NRXN1: variants seen among roughly 807,000 people sequenced by gnomAD.
NRXN1 encodes neurexin 1.
NRXN1 carries 39 observed loss-of-function variants against 150.9 expected under a neutral mutation model. That is an observed-to-expected ratio of 0.26 (90% CI 0.20 to 0.34). The LOEUF is 0.34. NRXN1 is among the 10% of genes least tolerant of loss of function. The pLI is 1.00. For missense variants in NRXN1, 1,815 were observed against 1,949.9 expected (o/e 0.93, Z 1.30); for synonymous variants, 924 against 757.0 (o/e 1.22, Z -3.62).
At chr2:50,909,382 A>G (rs1371178762) in intron 5 of NRXN1, among the ~76,000 whole-genome samples, 1 of 152,096 alleles carries the variant, frequency 6.6e-6, no homozygotes, top group East Asian at 1.9e-4. Flanking sequence ...CATTTGGACT[A>G]GGAGACTTCT....
At chr2:50,606,439 G>A (rs2104006306) in intron 8 of NRXN1, among the ~76,000 whole-genome samples, 1 of 151,590 alleles carries the variant, frequency 6.6e-6, no homozygotes, top group East Asian at 1.9e-4. Context: ...CCAGGGCCTG[G>A]GGCAAGGGAG....
At chr2:50,766,251 A>G (rs1299012776) in intron 5 of NRXN1, among the ~76,000 whole-genome samples, 2 of 151,990 alleles carry the variant, frequency 1.3e-5, no homozygotes, top group Admixed American at 6.6e-5. Flanking sequence ...CATTCTCCCC[A>G]TGATTTATGG....
At chr2:50,230,450 T>A (rs1264378891) in intron 18 of NRXN1, among the ~76,000 whole-genome samples, 3 of 152,020 alleles carry the variant, frequency 2.0e-5, no homozygotes, top group African/African-American at 7.2e-5. Context: ...GGCATCAATG[T>A]GTTTTAACAA....
intron 17 of NRXN1, among the ~76,000 whole-genome samples, chr2:50,241,218 CA>C (rs201711583): frequency 0.012 from 1,751 of 144,224 alleles, 28 homozygotes; most frequent in African/African-American, 0.038. Flanking sequence ...TAGCATAATG[CA>C]AAAAAAAAAA....
chr2:50,907,169 GA>G (rs1187156735), intron 5 of NRXN1, among the ~76,000 whole-genome samples: 2 of 145,178 alleles, frequency 1.4e-5, no homozygotes, highest in Non-Finnish European at 3.0e-5. Context: ...AGAAGAATCT[GA>G]AAAAAACCAA....
intron 17 of NRXN1, among the ~76,000 whole-genome samples, chr2:50,314,258 A>C (rs984544921): frequency 6.6e-6 from 1 of 152,010 alleles, no homozygotes; most frequent in Non-Finnish European, 1.5e-5. Flanking sequence ...GACAAGCTTC[A>C]CTTTGATCTG....
At chr2:50,199,316 AT>A (rs1279458159) in intron 18 of NRXN1, 3 of 152,076 alleles carry the variant, frequency 2.0e-5, no homozygotes, top group Non-Finnish European at 4.4e-5. Flanking sequence ...AAAAAATAGT[AT>A]TTTAGAAATC....
chr2:50,098,941 G>A (rs1700650356), intron 18 of NRXN1, among the ~76,000 whole-genome samples: 1 of 137,972 alleles, frequency 7.2e-6, no homozygotes, highest in African/African-American at 2.7e-5. Context: ...AAGATATGTG[G>A]GCAATACCAC....
intron 17 of NRXN1, among the ~76,000 whole-genome samples, chr2:50,311,190 T>A (rs982355304): frequency 2.0e-5 from 3 of 152,128 alleles, no homozygotes; most frequent in African/African-American, 7.2e-5. Context: ...GGGTACCTCG[T>A]CTTCTCTTTA....
At chr2:50,927,274 T>G (rs916790276) in intron 2 of NRXN1, among the ~76,000 whole-genome samples, 2 of 152,068 alleles carry the variant, frequency 1.3e-5, no homozygotes, top group African/African-American at 4.8e-5. Context: ...CAATTTTGTT[T>G]AAAACATTTC....
chr2:51,027,088 A>G (rs1335014286), intron 2 of NRXN1, among the ~76,000 whole-genome samples: 1 of 152,220 alleles, frequency 6.6e-6, no homozygotes, highest in East Asian at 1.9e-4. Context: ...AATCTTCTAG[A>G]TGCTTGTTTG....
intron 9 of NRXN1, among the ~76,000 whole-genome samples, chr2:50,549,320 T>C (rs1667083199): frequency 6.6e-6 from 1 of 152,192 alleles, no homozygotes; most frequent in Non-Finnish European, 1.5e-5. Context: ...TAACAGCTGC[T>C]ATTAAAATTA....
chr2:50,937,702 A>G (rs1440951333), intron 2 of NRXN1, among the ~76,000 whole-genome samples: 1 of 152,098 alleles, frequency 6.6e-6, no homozygotes, highest in African/African-American at 2.4e-5. Context: ...ACTGTCTCTT[A>G]AACTCAAAAA....
At chr2:50,323,704 T>C (rs886999045) in intron 17 of NRXN1, among the ~76,000 whole-genome samples, 5 of 152,154 alleles carry the variant, frequency 3.3e-5, no homozygotes, top group African/African-American at 9.7e-5. Context: ...AGTTTGAAAT[T>C]AATACTTGGT....
At chr2:50,155,161 T>C (rs1215791164) in intron 18 of NRXN1, among the ~76,000 whole-genome samples, 6 of 151,680 alleles carry the variant, frequency 4.0e-5, no homozygotes, top group Non-Finnish European at 7.4e-5. Flanking sequence ...TTTCCACAGA[T>C]TCTTTTATTA....
intron 17 of NRXN1, among the ~76,000 whole-genome samples, chr2:50,408,950 T>C (rs1423922923): frequency 4.0e-5 from 6 of 151,760 alleles, no homozygotes; most frequent in African/African-American, 1.5e-4. Context: ...AATTAAAACA[T>C]CTGACACAAA....
chr2:50,196,549 C>A (rs1432988139), intron 18 of NRXN1, among the ~76,000 whole-genome samples: 1 of 152,028 alleles, frequency 6.6e-6, no homozygotes, highest in Non-Finnish European at 1.5e-5. Context: ...CATTTAATAT[C>A]AATGCAATCA....
At chr2:50,060,758 C>T (rs551410058) in intron 19 of NRXN1, among the ~76,000 whole-genome samples, 7 of 152,312 alleles carry the variant, frequency 4.6e-5, no homozygotes, top group African/African-American at 1.7e-4. Context: ...CCTGCACATG[C>T]TCTCTTGCCT....
At chr2:50,460,841 A>C (rs1330717256) in intron 17 of NRXN1, among the ~76,000 whole-genome samples, 1 of 152,054 alleles carries the variant, frequency 6.6e-6, no homozygotes, top group African/African-American at 2.4e-5. Context: ...GCTTCCACTT[A>C]GAAAAAATTC....
Sources: gnomAD v4.1 joint callset for allele counts (sites outside exome capture counted in the v4.1 genomes callset) on GRCh38, gnomAD v4.1.1 for gene constraint, MANE v1.5 for transcripts, NCBI Gene and HGNC (gene_info 2026-07-23, HGNC 2026-07-21) for gene names.